The following SPAG16 variants were observed in gnomAD, a reference collection of about 807,000 sequenced individuals.
SPAG16 encodes sperm-associated antigen 16 protein.
Under a neutral mutation model 80.4 loss-of-function variants are expected in SPAG16, and 86 were observed. That is an observed-to-expected ratio of 1.07 (90% CI 0.90 to 1.28). The LOEUF (loss-of-function observed/expected upper bound fraction) is 1.28, where lower values mean the gene tolerates loss of function less well. Among genes scored for constraint, SPAG16 ranks in the 50% most tolerant of loss-of-function variants. SPAG16 has a pLI of 0.00. For synonymous variants in SPAG16, 294 were observed against 265.9 expected (o/e 1.11, Z -1.03); for missense variants, 870 against 765.3 (o/e 1.14, Z -1.61).
intron 3 of SPAG16, among the ~76,000 whole-genome samples, chr2:213,300,329 A>G (rs992704258): frequency 6.6e-5 from 10 of 152,054 alleles, no homozygotes; most frequent in Non-Finnish European, 1.2e-4. Flanking sequence ...TTTCTTTGGA[A>G]TAATTAACTA....
chr2:213,811,413 T>G (rs1006137936), intron 10 of SPAG16, among the ~76,000 whole-genome samples: 12 of 152,162 alleles, frequency 7.9e-5, no homozygotes, highest in Non-Finnish European at 1.3e-4. Context: ...ATAAAACTCT[T>G]AAATCTTCTG....
chr2:214,298,983 A>G (rs1694352209), intron 15 of SPAG16, among the ~76,000 whole-genome samples: 1 of 152,188 alleles, frequency 6.6e-6, no homozygotes, highest in African/African-American at 2.4e-5. Context: ...GTAACATTTA[A>G]TTGAACAGTG....
chr2:213,549,257 C>G (rs2076711164), intron 10 of SPAG16, among the ~76,000 whole-genome samples: 1 of 151,734 alleles, frequency 6.6e-6, no homozygotes, highest in Non-Finnish European at 1.5e-5. Flanking sequence ...TTCCTATGAT[C>G]TATTTAAAAA....
At chr2:213,394,302 T>C (rs941340005) in intron 9 of SPAG16, among the ~76,000 whole-genome samples, 1 of 152,172 alleles carries the variant, frequency 6.6e-6, no homozygotes, top group East Asian at 1.9e-4. Flanking sequence ...TAAAATACTT[T>C]TATTTTAATC....
intron 13 of SPAG16, among the ~76,000 whole-genome samples, chr2:214,041,223 T>C (rs1268038558): frequency 6.6e-6 from 1 of 152,030 alleles, no homozygotes; most frequent in East Asian, 1.9e-4. Context: ...TCTGTTTTGC[T>C]TTGTTTTTGC....
rs1559602662 is a variant in SPAG16, at chr2:213,932,193, TATATA to T, written c.1400+2049_1400+2053del. ...ATATATATATATATATATATATATA[TATATA>T]TTTGTTGTTGTTGTTGTTGTTGTTG... On this transcript the variant is annotated intron_variant, in intron 12 of 15. Transcript: ENST00000331683. 2.9e-3 allele frequency among the ~76,000 whole-genome samples: 376 copies of T among 131,812 alleles called. 9 individuals carry two copies. The highest frequency in any genetic ancestry group is 0.012 in the African/African-American group (362 of 31,412). 86.5% of individuals were successfully genotyped at this position (131,812 alleles called of 152,430 possible).
chr2:214,098,660 C>A (rs1423952088), intron 13 of SPAG16, among the ~76,000 whole-genome samples: 2 of 152,074 alleles, frequency 1.3e-5, no homozygotes, highest in East Asian at 3.9e-4. Flanking sequence ...GTTATGGTAG[C>A]TTTAGCAAAC....
At chr2:213,598,006 G>A (rs1452103127) in intron 10 of SPAG16, among the ~76,000 whole-genome samples, 1 of 152,094 alleles carries the variant, frequency 6.6e-6, no homozygotes. Flanking sequence ...TGCTATCTTT[G>A]AGGTTTCATC....
At chr2:213,601,768 A>G (rs187309972) in intron 10 of SPAG16, among the ~76,000 whole-genome samples, 8 of 152,366 alleles carry the variant, frequency 5.3e-5, no homozygotes, top group Admixed American at 5.2e-4. Context: ...ACAATTGCCT[A>G]TAGCATTCAG....
rs538932096 is a variant in SPAG16, at chr2:213,766,738, A to T, written c.1071-95747A>T. ...TACAGGCTACTGAGTCAGAGTGGTG[A>T]AAAGTGTCTTCGAGATGTGCCACAC... On this transcript the variant is annotated intron_variant, in intron 10 of 15. Coordinates refer to ENST00000331683, the MANE Select transcript of SPAG16 (RefSeq NM_024532.5). Among the ~76,000 whole-genome samples, 3 of 152,296 alleles carry T rather than the reference A, an allele frequency of 2.0e-5. No homozygotes were observed. In the South Asian group the frequency reaches 6.2e-4, roughly 32 times the overall value.
At chr2:213,405,486 A>G (rs72939075) in intron 9 of SPAG16, among the ~76,000 whole-genome samples, 33,461 of 152,146 alleles carry the variant, frequency 0.22, 4,524 homozygotes, top group Non-Finnish European at 0.31. Flanking sequence ...GGAACATTCC[A>G]AATATTCTTT....
At chr2:214,243,674 A>ATAAT (rs1689647164) in intron 15 of SPAG16, among the ~76,000 whole-genome samples, 1 of 151,862 alleles carries the variant, frequency 6.6e-6, no homozygotes, top group African/African-American at 2.4e-5. Context: ...TTAAATGTCA[A>ATAAT]TAATTATCTT....
At chr2:214,237,463 T>A (rs1179191679) in intron 15 of SPAG16, among the ~76,000 whole-genome samples, 1 of 152,252 alleles carries the variant, frequency 6.6e-6, no homozygotes, top group East Asian at 1.9e-4. Flanking sequence ...GTTTTAAGAC[T>A]CCTACATTAC....
chr2:214,031,329 A>G (rs1575891605), intron 13 of SPAG16, among the ~76,000 whole-genome samples: 2 of 150,246 alleles, frequency 1.3e-5, no homozygotes, highest in East Asian at 4.0e-4. Context: ...TCAGTAAACT[A>G]TCGCAAGGAC....
At chr2:213,313,290 T>C (rs1005832216) in intron 4 of SPAG16, among the ~76,000 whole-genome samples, 9 of 151,898 alleles carry the variant, frequency 5.9e-5, no homozygotes, top group African/African-American at 2.2e-4. Flanking sequence ...TAAAACAAAA[T>C]TAATAACATG....
chr2:213,646,532 G>A (rs4275972), intron 10 of SPAG16, among the ~76,000 whole-genome samples: 11,736 of 152,174 alleles, frequency 0.077, 685 homozygotes, highest in South Asian at 0.12. Flanking sequence ...GGACTTAATA[G>A]TGATTAGAGA....
rs546329534 is a variant in SPAG16 at position 214,338,028 on chromosome 2, T to C, written c.1721-72112T>C. On this transcript the variant is annotated intron_variant, in intron 15 of 15. Coordinates refer to ENST00000331683, the MANE Select transcript of SPAG16 (RefSeq NM_024532.5). The stretch of plus-strand genomic sequence containing the variant: ...ACTGGCGGAAATAACATACTCTTTT[T>C]TTAGAAGTTGAAGATATTATCCACT... 3.3e-4 allele frequency among the ~76,000 whole-genome samples: 51 copies of C among 152,330 alleles called. No individual in the cohort carries two copies. In the South Asian group the frequency reaches 4.3e-3, roughly 13 times the overall value.
At chr2:214,399,465 A>G (rs1701587597) in intron 15 of SPAG16, among the ~76,000 whole-genome samples, 1 of 152,110 alleles carries the variant, frequency 6.6e-6, no homozygotes, top group African/African-American at 2.4e-5. Context: ...CTGAACATTA[A>G]CTAACAGAAT....
At chr2:214,395,563 A>C (rs1275090347) in intron 15 of SPAG16, among the ~76,000 whole-genome samples, 1 of 152,140 alleles carries the variant, frequency 6.6e-6, no homozygotes, top group African/African-American at 2.4e-5. Context: ...TTCAATGTGC[A>C]GATTTGTGAT....
Sources: allele counts gnomAD v4.1 joint callset (sites outside exome capture counted in the v4.1 genomes callset), GRCh38; gene constraint gnomAD v4.1.1; transcripts MANE v1.5; gene names NCBI Gene and HGNC (gene_info 2026-07-23, HGNC 2026-07-21).